TMEM131: variants seen among roughly 807,000 people sequenced by gnomAD.
TMEM131 encodes transmembrane protein 131, also known as 2610524E03Rik.
TMEM131 carries 66 observed loss-of-function variants against 211.6 expected under a neutral mutation model. The ratio of observed to expected loss-of-function variants is 0.31; its 90% CI spans 0.26 to 0.38. The LOEUF (loss-of-function observed/expected upper bound fraction) is 0.38, where lower values mean the gene tolerates loss of function less well. Ranked by LOEUF, TMEM131 falls within the 10% of genes least tolerant of loss-of-function variation. The probability of loss-of-function intolerance (pLI) is 1.00; values close to 1 mark genes in which losing one functional copy is unlikely to be tolerated. For synonymous variants in TMEM131, 844 were observed against 841.3 expected, an observed-to-expected ratio of 1.00 and a Z score of -0.06; for missense variants, 2,036 against 2,299.3, an observed-to-expected ratio of 0.89 and a Z score of 2.34.
intron 2 of TMEM131, among the ~76,000 whole-genome samples, chr2:97,917,114 G>A (rs1172517059): frequency 6.6e-6 from 1 of 152,162 alleles, no homozygotes; most frequent in South Asian, 2.1e-4. Flanking sequence ...TAGAAAAGAA[G>A]TTGGTAATCT....
chr2:97,935,109 C>T (rs1677387464), intron 1 of TMEM131, among the ~76,000 whole-genome samples: 1 of 152,030 alleles, frequency 6.6e-6, no homozygotes, highest in Non-Finnish European at 1.5e-5. Context: ...TATTTGCAAA[C>T]TACATATTTA....
At chr2:97,902,478 A>G (rs1461824689) in intron 3 of TMEM131, among the ~76,000 whole-genome samples, 1 of 152,202 alleles carries the variant, frequency 6.6e-6, no homozygotes, top group Non-Finnish European at 1.5e-5. Flanking sequence ...AATTGGAGGC[A>G]TCAGTAACTC....
intron 1 of TMEM131, among the ~76,000 whole-genome samples, chr2:97,928,031 T>C (rs556443953): frequency 2.0e-5 from 3 of 152,294 alleles, no homozygotes; most frequent in Non-Finnish European, 2.9e-5. Context: ...AAAGCTAACA[T>C]AGTTATACCA....
intron 1 of TMEM131, among the ~76,000 whole-genome samples, chr2:97,967,182 G>A (rs753294124): frequency 2.0e-5 from 3 of 152,146 alleles, no homozygotes; most frequent in Non-Finnish European, 2.9e-5. Flanking sequence ...TTCATAAGCT[G>A]ACTGATACAC....
chr2:97,841,906 C>A lies in TMEM131; in HGVS notation c.632G>T (p.Arg211Leu). Residue 211 changes from arginine (R) to leucine (L), a missense_variant, in exon 7 of 41, where the codon CGA (arginine) becomes CTA (leucine). Arg to Leu is a moderately radical substitution (Grantham distance 102). Around this residue, in one of 3 missense-constraint regions of TMEM131, gnomAD observed 277 missense variants for 378.0 expected, o/e 0.73. Coordinates refer to ENST00000186436, the MANE Select transcript of TMEM131 (RefSeq NM_015348.2). ...VFGVGVPNPY[R>L]LRPFLGARVP... ...TCTGGCCCCAAGGAACGGCCTCAAT[C>A]GATATGGATTTGGAACTCCAACACC... 1 of 1,588,390 alleles carries A rather than the reference C, an allele frequency of 6.3e-7. No homozygotes were observed. The highest frequency in any genetic ancestry group is 1.3e-5 in the African/African-American group (1 of 74,458).
chr2:97,951,400 T>C (rs1678308208), intron 1 of TMEM131, among the ~76,000 whole-genome samples: 1 of 152,136 alleles, frequency 6.6e-6, no homozygotes, highest in South Asian at 2.1e-4. Context: ...ATTAGGCCAG[T>C]GGGTAGGGGA....
At chr2:97,814,509 T>C (rs1681723342) in intron 13 of TMEM131, 121 bp from the exon 14 acceptor site, 1 of 995,214 alleles carries the variant, frequency 1.0e-6, no homozygotes, top group Non-Finnish European at 1.4e-6. Flanking sequence ...GTATTAAAGA[T>C]TTAGAACTAT....
chr2:97,757,218 T>C lies in TMEM131; in HGVS notation c.5533A>G (p.Thr1845Ala). The change falls in exon 41 of 41, where the codon ACC becomes GCC. Residue 1845 changes from threonine (T) to alanine (A), a missense_variant. By Grantham distance (58) the Thr-to-Ala change is moderately conservative. Transcript: ENST00000186436. ...CCCAAGTCGTCAGCTGGACTGGAGG[T>C]GGAGGGAGCGTGAGGAGCAGGGGAG... ...ENSPAPHAPS[T>A]SSPADDLGQT... 1 of 1,613,690 alleles carries C rather than the reference T, an allele frequency of 6.2e-7. No homozygotes were observed. Among genetic ancestry groups the C allele is most frequent in the Non-Finnish European group, 8.5e-7 (1 of 1,179,838 alleles).
intron 4 of TMEM131, among the ~76,000 whole-genome samples, chr2:97,874,893 G>A (rs1252261672): frequency 2.6e-5 from 4 of 152,074 alleles, no homozygotes; most frequent in Non-Finnish European, 5.9e-5. Context: ...ATGTAAATGG[G>A]CTAAATGCCC....
intron 7 of TMEM131, among the ~76,000 whole-genome samples, chr2:97,840,435 G>A (rs1347100911): frequency 6.6e-6 from 1 of 152,184 alleles, no homozygotes; most frequent in Non-Finnish European, 1.5e-5. Context: ...GGGTCTAACG[G>A]AGTAAGAGGC....
At chr2:97,797,658 T>G (rs1204162141) in intron 25 of TMEM131, 142 bp from the exon 26 acceptor site, 1 of 662,598 alleles carries the variant, frequency 1.5e-6, no homozygotes, top group Non-Finnish European at 2.4e-6. Context: ...TGTTTAGATA[T>G]GGGTTAGCTG....
chr2:97,760,127 A>G (rs150261187), intron 38 of TMEM131: 2,709 of 244,612 alleles, frequency 0.011, 33 homozygotes, highest in South Asian at 0.024. Flanking sequence ...CTTATCTGGA[A>G]AAGTCAACCA....
chr2:97,903,209 A>G (rs114401364), intron 3 of TMEM131, among the ~76,000 whole-genome samples: 3,785 of 152,272 alleles, frequency 0.025, 54 homozygotes, highest in Middle Eastern at 0.065. Flanking sequence ...ACATCCTAAC[A>G]TACCAGAAAG....
chr2:97,898,792 T>C (rs1344460543), intron 3 of TMEM131, among the ~76,000 whole-genome samples: 1 of 152,194 alleles, frequency 6.6e-6, no homozygotes, highest in Non-Finnish European at 1.5e-5. Flanking sequence ...GATTTCTTTC[T>C]TAACCCATGA....
intron 1 of TMEM131, among the ~76,000 whole-genome samples, chr2:97,946,345 C>T (rs956563519): frequency 3.3e-5 from 5 of 151,638 alleles, no homozygotes; most frequent in East Asian, 1.9e-4. Flanking sequence ...GGAAGATTAA[C>T]AAAATTGATA....
intron 1 of TMEM131, among the ~76,000 whole-genome samples, chr2:97,969,577 T>G (rs536428886): frequency 6.6e-6 from 1 of 152,362 alleles, no homozygotes; most frequent in South Asian, 2.1e-4. Context: ...GTGCTAACAT[T>G]TGTCTTCCCA....
intron 5 of TMEM131, among the ~76,000 whole-genome samples, chr2:97,851,592 CT>C (rs1673630830): frequency 6.6e-6 from 1 of 152,200 alleles, no homozygotes. Context: ...CATGTACTCA[CT>C]TTCTATCTCT....
At chr2:97,854,366 A>AG (rs1673754681) in intron 5 of TMEM131, among the ~76,000 whole-genome samples, 1 of 152,218 alleles carries the variant, frequency 6.6e-6, no homozygotes, top group African/African-American at 2.4e-5. Context: ...AAACAAAAAA[A>AG]TTCTGTGACT....
At chr2:97,966,283 C>T (rs533235765) in intron 1 of TMEM131, among the ~76,000 whole-genome samples, 1 of 152,120 alleles carries the variant, frequency 6.6e-6, no homozygotes, top group South Asian at 2.1e-4. Flanking sequence ...CAGACAAAAT[C>T]TTTCCGGGTG....
Sources: gnomAD v4.1 joint callset for allele counts (sites outside exome capture counted in the v4.1 genomes callset) on GRCh38, gnomAD v4.1.1 for gene constraint, gnomAD v4.1.1 regional missense constraint, MANE v1.5 for transcripts, NCBI Gene and HGNC (gene_info 2026-07-23, HGNC 2026-07-21) for gene names.